Variants in TSPAN12 observed in about 807,000 individuals in gnomAD.
The protein encoded by TSPAN12 is tetraspanin-12.
In TSPAN12, 19 loss-of-function variants were observed where a neutral mutation model predicts 39.2. That is an observed-to-expected ratio of 0.49 (90% CI 0.34 to 0.71). TSPAN12 has a LOEUF of 0.71. Ranked by LOEUF, TSPAN12 falls within the 30% of genes least tolerant of loss-of-function variation. The pLI is 0.01. For synonymous variants in TSPAN12, 119 were observed against 124.8 expected, an observed-to-expected ratio of 0.95 and a Z score of 0.31; for missense variants, 314 against 359.9, an observed-to-expected ratio of 0.87 and a Z score of 1.03.
intron 4 of TSPAN12, among the ~76,000 whole-genome samples, chr7:120,824,202 G>C (rs1273968583): frequency 6.6e-6 from 1 of 151,734 alleles, no homozygotes; most frequent in Non-Finnish European, 1.5e-5. Context: ...GGAGGCCAAA[G>C]TGGGCAGATC....
intron 4 of TSPAN12, among the ~76,000 whole-genome samples, chr7:120,828,347 T>C (rs1028120183): frequency 2.6e-5 from 4 of 152,152 alleles, no homozygotes; most frequent in Non-Finnish European, 5.9e-5. Flanking sequence ...TCACAGAGTA[T>C]GCATGACATT....
Position 120,800,743 on chromosome 7 carries a change from C to CGT in TSPAN12, c.612+5804_612+5805dup, listed in dbSNP as rs1554399370. On this transcript the variant is annotated intron_variant, in intron 7 of 7. Coordinates refer to ENST00000222747, the MANE Select transcript of TSPAN12 (RefSeq NM_012338.4). Reference sequence around the variant, plus strand: ...CCTGCTGAAATAAAGTTTTCCTTATCGTTTTTTTTTGTTTTTTTTTTTTGA... The same window carrying CGT: ...CCTGCTGAAATAAAGTTTTCCTTATCGTGTTTTTTTTTGTTTTTTTTTTTTGA... Among the ~76,000 whole-genome samples, 81 of 84,274 alleles carry CGT rather than the reference C, an allele frequency of 9.6e-4. 4 individuals carry two copies. Among genetic ancestry groups the CGT allele is most frequent in the Non-Finnish European group, 6.3e-4 (23 of 36,504 alleles). The allele number at this position is 84,274 out of a possible 152,430, so 55.3% of individuals were successfully genotyped here.
At chr7:120,826,923 A>T (rs1362451337) in intron 4 of TSPAN12, among the ~76,000 whole-genome samples, 2 of 152,104 alleles carry the variant, frequency 1.3e-5, no homozygotes, top group Non-Finnish European at 2.9e-5. Flanking sequence ...AGGTTTTACC[A>T]CGTTGGCCAG....
At chr7:120,790,091 C>T (rs1020238718) in intron 7 of TSPAN12, among the ~76,000 whole-genome samples, 3 of 152,070 alleles carry the variant, frequency 2.0e-5, no homozygotes, top group African/African-American at 7.2e-5. Context: ...TGCTGTGGAC[C>T]GGAAAACCCA....
rs75911470 is a variant in TSPAN12 at position 120,830,525 on chromosome 7, A to G, written c.285+8252T>C. ...ATTTACAGCCAATTGATTTTTTGACAAAGATGCCAATAACACACAATGGGA... is the reference window on the plus strand; with the variant it reads ...ATTTACAGCCAATTGATTTTTTGACGAAGATGCCAATAACACACAATGGGA... On this transcript the variant is annotated intron_variant, in intron 4 of 7. Coordinates refer to ENST00000222747, the MANE Select transcript of TSPAN12 (RefSeq NM_012338.4). Among the ~76,000 whole-genome samples the G allele has an allele frequency of 3.2e-3, 480 of 152,248 alleles. 1 individual carries two copies. Among genetic ancestry groups the G allele is most frequent in the African/African-American group, 0.011 (464 of 41,568 alleles).
intron 4 of TSPAN12, among the ~76,000 whole-genome samples, chr7:120,826,484 A>G (rs1013613113): frequency 2.0e-5 from 3 of 152,190 alleles, no homozygotes; most frequent in African/African-American, 7.2e-5. Flanking sequence ...TGAAGAGGGT[A>G]TCTATACAGA....
At chr7:120,829,677 A>G (rs1479355950) in intron 4 of TSPAN12, among the ~76,000 whole-genome samples, 1 of 152,224 alleles carries the variant, frequency 6.6e-6, no homozygotes, top group Non-Finnish European at 1.5e-5. Context: ...CAGTATTCAC[A>G]GGTGGAATGA....
At chr7:120,853,867 C>T (rs1397808233) in intron 2 of TSPAN12, among the ~76,000 whole-genome samples, 1 of 137,244 alleles carries the variant, frequency 7.3e-6, no homozygotes, top group Non-Finnish European at 1.5e-5. Flanking sequence ...AGTGAGACTC[C>T]GTCCCAAAAA....
chr7:120,840,188 G>T, intron 2 of TSPAN12, 79 bp from the exon 3 acceptor site: 1 of 1,104,762 alleles, frequency 9.1e-7, no homozygotes, highest in South Asian at 1.2e-5. Context: ...GAAAATTAAG[G>T]ATTTTGTTAC....
intron 7 of TSPAN12, among the ~76,000 whole-genome samples, chr7:120,789,902 G>A (rs1359701499): frequency 6.6e-6 from 1 of 152,040 alleles, no homozygotes; most frequent in Admixed American, 6.6e-5. Context: ...ATACAGTAAA[G>A]AAACAGGTAA....
intron 5 of TSPAN12, among the ~76,000 whole-genome samples, chr7:120,811,601 C>A (rs1187369804): frequency 6.8e-6 from 1 of 147,816 alleles, no homozygotes; most frequent in African/African-American, 2.5e-5. Flanking sequence ...ACCCGGAGGG[C>A]GAAGGTTGCA....
intron 1 of TSPAN12, among the ~76,000 whole-genome samples, 155 bp downstream of exon 1, chr7:120,857,665 C>T (rs1356396090): frequency 1.3e-5 from 2 of 152,056 alleles, no homozygotes; most frequent in East Asian, 2.0e-4. Flanking sequence ...CCAGCCATCG[C>T]GTCCGCGCGC....
intron 6 of TSPAN12, among the ~76,000 whole-genome samples, chr7:120,808,740 T>G (rs1793922146): frequency 6.6e-6 from 1 of 152,116 alleles, no homozygotes; most frequent in South Asian, 2.1e-4. Flanking sequence ...AGAATTGCAC[T>G]GAATGAGGAG....
intron 7 of TSPAN12, among the ~76,000 whole-genome samples, chr7:120,793,097 T>C (rs756862679): frequency 6.6e-6 from 1 of 152,208 alleles, no homozygotes; most frequent in Non-Finnish European, 1.5e-5. Flanking sequence ...GAAGAATCAA[T>C]TATCCCTTTC....
chr7:120,790,220 C>A (rs2116280454), intron 7 of TSPAN12, among the ~76,000 whole-genome samples: 1 of 152,258 alleles, frequency 6.6e-6, no homozygotes. Context: ...AGACAACTAA[C>A]CTTGGGTATT....
At position 120,810,681 on chromosome 7, in the gene TSPAN12, T is replaced by A. The variant is rs1793964397; in HGVS notation, c.361-111A>T. On this transcript the variant is annotated intron_variant, in intron 5 of 7. Coordinates refer to ENST00000222747, the MANE Select transcript of TSPAN12 (RefSeq NM_012338.4). ...GTACACACGCATACTCGGAATGTCT[T>A]CTAATTGACAAATACTATTTTAAAT... is the stretch of plus-strand genomic sequence containing the variant. 13 of 731,556 alleles carry A rather than the reference T, an allele frequency of 1.8e-5. No homozygotes were observed. The East Asian group carries it at 3.4e-4, about 19-fold the overall frequency. The allele number at this position is 731,556 out of a possible 1,614,324, so 45.3% of individuals were successfully genotyped here. A position where few individuals can be genotyped will look rare whatever the true frequency, so the allele number is the denominator to read the frequency against.
At chr7:120,836,950 C>A (rs1267242202) in intron 4 of TSPAN12, among the ~76,000 whole-genome samples, 3 of 152,194 alleles carry the variant, frequency 2.0e-5, no homozygotes, top group African/African-American at 7.2e-5. Context: ...ACTTGCCCTG[C>A]CTCCCTCCAG....
chr7:120,811,097 T>A (rs972560308), intron 5 of TSPAN12, among the ~76,000 whole-genome samples: 6 of 152,174 alleles, frequency 3.9e-5, no homozygotes, highest in African/African-American at 1.4e-4. Context: ...AATTAAGAGG[T>A]ATGTTAGAAT....
chr7:120,806,746 T>C, intron 6 of TSPAN12, 54 bp from the exon 7 acceptor site: 1 of 1,607,932 alleles, frequency 6.2e-7, no homozygotes, highest in Non-Finnish European at 8.5e-7. Flanking sequence ...TTTTCTTAAC[T>C]TATAGGAGAT....
Sources: allele counts gnomAD v4.1 joint callset (sites outside exome capture counted in the v4.1 genomes callset), GRCh38; gene constraint gnomAD v4.1.1; transcripts MANE v1.5; gene names NCBI Gene and HGNC (gene_info 2026-07-23, HGNC 2026-07-21).